Variants in ZNF280D observed in about 807,000 individuals in gnomAD.
ZNF280D encodes the protein suppressor of hairy wing homolog 4.
Under a neutral mutation model 94.7 loss-of-function variants are expected in ZNF280D, and 39 were observed. The ratio of observed to expected loss-of-function variants is 0.41; its 90% CI spans 0.32 to 0.54. The LOEUF (loss-of-function observed/expected upper bound fraction) is 0.54. Ranked by LOEUF, ZNF280D falls within the 20% of genes least tolerant of loss-of-function variation. The pLI, the probability that ZNF280D is intolerant of heterozygous loss-of-function variation, is 0.22. For missense variants in ZNF280D, 1,090 were observed against 1,149.3 expected, an observed-to-expected ratio of 0.95 and a Z score of 0.75; for synonymous variants, 398 against 377.6, an observed-to-expected ratio of 1.05 and a Z score of -0.63.
chr15:56,678,504 TAA>T (rs2055396027), intron 11 of ZNF280D, among the ~76,000 whole-genome samples, 158 bp downstream of exon 11: 1 of 152,226 alleles, frequency 6.6e-6, no homozygotes, highest in Non-Finnish European at 1.5e-5. Context: ...TAATTTTATT[TAA>T]AAGTTTATCA....
rs763234781 is a variant in ZNF280D at position 56,682,405 on chromosome 15, T to C, written c.853A>G (p.Asn285Asp). Reference protein sequence around the residue: ...KTEFSSTVNKNTTIDSEKGKL... With the variant: ...KTEFSSTVNKDTTIDSEKGKL... ...CCTTTCTCTGAATCAATAGTTGTGT[T>C]TTTATTTACTGTACTTGAAAATTCT... The change falls in exon 10 of 22, where the codon AAC becomes GAC. Residue 285 changes from asparagine to aspartate, a missense_variant. Around this residue, in one of 3 missense-constraint regions of ZNF280D, gnomAD observed 386 missense variants for 372.0 expected, o/e 1.04. Transcript: ENST00000267807. 5.7e-6 allele frequency: 9 copies of C among 1,591,308 alleles called. No homozygotes were observed. In the African/African-American group the frequency reaches 1.1e-4, roughly 19 times the overall value.
At position 56,668,810 on chromosome 15, in the gene ZNF280D, T is replaced by C. The variant is rs1325693457; in HGVS notation, c.1545+13A>G. ...TCATACAAAATGTTAAAATACAATA[T>C]ATTTTAACTCACTTTTGTTCCAGGA... On this transcript the variant is annotated intron_variant, in intron 14 of 21. Transcript: ENST00000267807. 2 of 1,588,056 alleles carry C rather than the reference T, an allele frequency of 1.3e-6. No homozygotes were observed. Among genetic ancestry groups the C allele is most frequent in the Non-Finnish European group, 1.7e-6 (2 of 1,169,940 alleles).
chr15:56,710,212 G>A (rs1053823136), intron 1 of ZNF280D, among the ~76,000 whole-genome samples: 35 of 152,266 alleles, frequency 2.3e-4, no homozygotes, highest in Non-Finnish European at 4.0e-4. Flanking sequence ...AGACCAGCCT[G>A]GCCAACACAG....
chr15:56,666,887 T>G lies in ZNF280D; in HGVS notation c.1645A>C (p.Thr549Pro), dbSNP rs2054327330. ...ASTLQLSPPR[T>P]KNITAKNPAK... ...GGATTTTTAGCAGTTATATTTTTAG[T>G]CCTTGGAGGTGAGAGCTGAAGGGTA... The change falls in exon 15 of 22, where the codon ACT becomes CCT. Residue 549 changes from threonine to proline, a missense_variant. Transcript: ENST00000267807. 6.2e-7 allele frequency: 1 copy of G among 1,613,910 alleles called. No individual in the cohort carries two copies.
At chr15:56,692,732 A>C (rs543654817) in intron 7 of ZNF280D, among the ~76,000 whole-genome samples, 2 of 152,240 alleles carry the variant, frequency 1.3e-5, no homozygotes, top group East Asian at 3.9e-4. Context: ...CTATAGCCAT[A>C]TATTTTTCAC....
At chr15:56,724,863 A>T (rs558356561) in intron 1 of ZNF280D, 1 of 454,898 alleles carries the variant, frequency 2.2e-6, no homozygotes, top group Admixed American at 2.4e-5. Context: ...CTATTCAATA[A>T]CGTTGTCAGA....
At chr15:56,680,737 A>G (rs1326601637) in intron 10 of ZNF280D, among the ~76,000 whole-genome samples, 1 of 150,972 alleles carries the variant, frequency 6.6e-6, no homozygotes, top group Non-Finnish European at 1.5e-5. Context: ...TCAGCCTCCC[A>G]AAGTGCTGGG....
chr15:56,726,947 A>T (rs2058657064), intron 1 of ZNF280D, among the ~76,000 whole-genome samples: 1 of 152,218 alleles, frequency 6.6e-6, no homozygotes. Context: ...CACAGAAAAG[A>T]AGTGAAACTC....
intron 9 of ZNF280D, among the ~76,000 whole-genome samples, chr15:56,686,935 G>A (rs2056063328): frequency 6.6e-6 from 1 of 151,992 alleles, no homozygotes; most frequent in Non-Finnish European, 1.5e-5. Context: ...TCTAATTATT[G>A]TAGAATATTT....
intron 1 of ZNF280D, among the ~76,000 whole-genome samples, chr15:56,720,974 G>C (rs1390399512): frequency 2.1e-4 from 9 of 41,868 alleles, no homozygotes; most frequent in South Asian, 1.5e-3. Context: ...TTTTTTTGGG[G>C]GGGGGGGGGA....
chr15:56,700,798 C>T, intron 6 of ZNF280D, 135 bp downstream of exon 6: 2 of 1,552,836 alleles, frequency 1.3e-6, no homozygotes, highest in Non-Finnish European at 1.7e-6. Context: ...AATATGGTGA[C>T]ATTTTCTGAT....
Position 56,635,216 on chromosome 15 carries a change from G to A in ZNF280D, c.2294C>T (p.Thr765Ile), listed in dbSNP as rs2052291267. The stretch of plus-strand genomic sequence containing the variant: ...TTACCTTTCAGAATTTGATGTTTCT[G>A]TTTCTCTTTCAGCCATGTTAGGTCT... ...IARPNMAERE[T>I]ETSNSESKQD... is the part of the protein sequence containing the mutation. The change falls in exon 21 of 22, where the codon ACA becomes ATA. Residue 765 changes from threonine (T) to isoleucine (I), a missense_variant. By Grantham distance (89) the Thr-to-Ile change is moderately conservative. This residue lies in a region of ZNF280D where 577 missense variants were observed against 568.8 expected (regional missense o/e 1.01). Transcript: ENST00000267807. The A allele has an allele frequency of 1.9e-6, 3 of 1,555,518 alleles. No individual in the cohort carries two copies. Among genetic ancestry groups the A allele is most frequent in the Non-Finnish European group, 1.7e-6 (2 of 1,153,854 alleles).
chr15:56,709,708 G>A (rs1245675179), intron 1 of ZNF280D, among the ~76,000 whole-genome samples: 1 of 152,160 alleles, frequency 6.6e-6, no homozygotes, highest in Non-Finnish European at 1.5e-5. Context: ...TGTCTTTGTA[G>A]GCACATGGAT....
intron 1 of ZNF280D, among the ~76,000 whole-genome samples, chr15:56,731,027 G>A (rs1434319399): frequency 6.6e-6 from 1 of 152,172 alleles, no homozygotes; most frequent in Non-Finnish European, 1.5e-5. Flanking sequence ...ATACTGCATG[G>A]CTTATGAAGT....
intron 7 of ZNF280D, among the ~76,000 whole-genome samples, chr15:56,691,719 TATCA>T (rs1376277731): frequency 1.3e-5 from 2 of 152,166 alleles, no homozygotes; most frequent in African/African-American, 2.4e-5. Context: ...ATGTGGCACA[TATCA>T]TTCATAATTA....
At chr15:56,708,876 T>A (rs1156246466) in intron 1 of ZNF280D, among the ~76,000 whole-genome samples, 3 of 152,086 alleles carry the variant, frequency 2.0e-5, no homozygotes, top group African/African-American at 7.2e-5. Context: ...ATTAAAGACT[T>A]AAATGTTAGA....
In ZNF280D at chr15:56,641,181, T is replaced by C. The variant is rs188715852; in HGVS notation, c.2259+1771A>G. ...TTTATTTTAAAATTTGAGAAGAATA[T>C]GCATATCTCTTGCTCAAGTTTTATG... On this transcript the variant is annotated intron_variant, in intron 20 of 21. Coordinates refer to ENST00000267807, the MANE Select transcript of ZNF280D (RefSeq NM_017661.4). 2.1e-3 allele frequency among the ~76,000 whole-genome samples: 326 copies of C among 152,156 alleles called. 2 individuals are homozygous for C. Among genetic ancestry groups the C allele is most frequent in the African/African-American group, 7.6e-3 (315 of 41,586 alleles).
At chr15:56,717,700 T>C (rs1306723204) in intron 1 of ZNF280D, among the ~76,000 whole-genome samples, 1 of 152,174 alleles carries the variant, frequency 6.6e-6, no homozygotes. Flanking sequence ...TCATCCCCTG[T>C]TTACAGCTGT....
At chr15:56,730,559 C>A (rs1177292146) in intron 1 of ZNF280D, 1 of 152,238 alleles carries the variant, frequency 6.6e-6, no homozygotes, top group African/African-American at 2.4e-5. Context: ...AATCCTCCAA[C>A]ATCAAACTAC....
Sources: gnomAD v4.1 joint callset for allele counts (sites outside exome capture counted in the v4.1 genomes callset) on GRCh38, gnomAD v4.1.1 for gene constraint, gnomAD v4.1.1 regional missense constraint, MANE v1.5 for transcripts, NCBI Gene and HGNC (gene_info 2026-07-23, HGNC 2026-07-21) for gene names.